NRXN3: variants seen among roughly 807,000 people sequenced by gnomAD.
The protein encoded by NRXN3 is neurexin 3, also known as neurexin III.
A neutral mutation model predicts 137.6 loss-of-function variants in NRXN3; 32 were observed. The observed-to-expected ratio is 0.23, with a 90% CI of 0.18 to 0.31. NRXN3 has a LOEUF of 0.31. Among genes scored for constraint, NRXN3 ranks in the 10% least tolerant of loss-of-function variants. NRXN3 has a pLI of 1.00. For missense variants in NRXN3, 1,574 were observed against 2,062.5 expected (o/e 0.76, Z 4.59); for synonymous variants, 798 against 784.5 (o/e 1.02, Z -0.29).
At chr14:79,369,518 T>C (rs916336197) in intron 15 of NRXN3, among the ~76,000 whole-genome samples, 1 of 152,216 alleles carries the variant, frequency 6.6e-6, no homozygotes, top group Non-Finnish European at 1.5e-5. Flanking sequence ...TTTGATGACC[T>C]GGTGCATGGA....
intron 20 of NRXN3, among the ~76,000 whole-genome samples, chr14:79,807,121 G>A (rs1048692162): frequency 6.6e-6 from 1 of 150,758 alleles, no homozygotes; most frequent in Non-Finnish European, 1.5e-5. Context: ...AGAACTACAT[G>A]CACCACTATG....
intron 10 of NRXN3, among the ~76,000 whole-genome samples, chr14:78,888,570 G>T (rs1273965915): frequency 1.3e-5 from 2 of 151,934 alleles, no homozygotes; most frequent in Non-Finnish European, 2.9e-5. Flanking sequence ...GAGAAGTGCC[G>T]AGCAGTGTGT....
chr14:79,742,480 T>C (rs1447060981), intron 19 of NRXN3, among the ~76,000 whole-genome samples: 1 of 152,198 alleles, frequency 6.6e-6, no homozygotes, highest in East Asian at 1.9e-4. Context: ...TTAACCATTT[T>C]ACACACAATT....
At chr14:78,179,776 C>G (rs1452227254) in intron 1 of NRXN3, among the ~76,000 whole-genome samples, 1 of 147,198 alleles carries the variant, frequency 6.8e-6, no homozygotes, top group Admixed American at 6.8e-5. Context: ...TGTACCCAGT[C>G]TCGTGTTCAG....
At chr14:79,514,868 G>T (rs1005522261) in intron 16 of NRXN3, among the ~76,000 whole-genome samples, 5 of 141,532 alleles carry the variant, frequency 3.5e-5, no homozygotes, top group Non-Finnish European at 7.4e-5. Flanking sequence ...GTGTTGGAAT[G>T]ATGCGTTTTC....
intron 10 of NRXN3, among the ~76,000 whole-genome samples, chr14:78,824,861 A>G (rs1482943687): frequency 3.3e-5 from 5 of 151,982 alleles, no homozygotes; most frequent in Admixed American, 3.3e-4. Context: ...GGTGAAGGAT[A>G]CTCCATTTAC....
chr14:79,382,673 A>G (rs527496108), intron 15 of NRXN3, among the ~76,000 whole-genome samples: 56 of 152,312 alleles, frequency 3.7e-4, no homozygotes, highest in Non-Finnish European at 7.4e-4. Context: ...GCAAAAAGAT[A>G]CAAAGAGACT....
At chr14:79,353,243 T>G (rs2093292541) in intron 15 of NRXN3, among the ~76,000 whole-genome samples, 1 of 152,102 alleles carries the variant, frequency 6.6e-6, no homozygotes, top group African/African-American at 2.4e-5. Context: ...TTTGATCAAC[T>G]CTTGATATAG....
intron 8 of NRXN3, among the ~76,000 whole-genome samples, chr14:78,764,753 A>G (rs2098703336): frequency 6.6e-6 from 1 of 152,148 alleles, no homozygotes; most frequent in African/African-American, 2.4e-5. Flanking sequence ...GGGTTGGGAT[A>G]ATGTGAAAAA....
At chr14:79,852,498 G>A (rs1390005528) in intron 20 of NRXN3, among the ~76,000 whole-genome samples, 1 of 152,016 alleles carries the variant, frequency 6.6e-6, no homozygotes, top group Non-Finnish European at 1.5e-5. Context: ...ACAATTGAAG[G>A]ATAGTATATG....
intron 15 of NRXN3, among the ~76,000 whole-genome samples, chr14:78,998,342 A>C (rs1359883804): frequency 3.3e-5 from 5 of 152,208 alleles, no homozygotes; most frequent in Non-Finnish European, 7.3e-5. Context: ...TTCAAGCCGC[A>C]AATTCTAAGG....
At chr14:78,889,431 T>G (rs1321992259) in intron 10 of NRXN3, among the ~76,000 whole-genome samples, 1 of 152,016 alleles carries the variant, frequency 6.6e-6, no homozygotes, top group Admixed American at 6.6e-5. Context: ...TTGCACTTGA[T>G]TGCTTTACTT....
chr14:79,445,862 C>T (rs2096056037), intron 15 of NRXN3, among the ~76,000 whole-genome samples: 1 of 152,130 alleles, frequency 6.6e-6, no homozygotes, highest in Non-Finnish European at 1.5e-5. Context: ...TCATTTCATT[C>T]TAAGGCAATT....
chr14:78,718,239 G>A (rs1266490508), intron 8 of NRXN3, among the ~76,000 whole-genome samples: 3 of 152,192 alleles, frequency 2.0e-5, no homozygotes, highest in Non-Finnish European at 4.4e-5. Context: ...TCTTAAGGCT[G>A]TGTGTCCCAG....
chr14:79,460,851 G>C (rs560773690), intron 15 of NRXN3, among the ~76,000 whole-genome samples: 2 of 152,178 alleles, frequency 1.3e-5, no homozygotes, highest in Non-Finnish European at 2.9e-5. Flanking sequence ...TCATTTCTTT[G>C]CCAAGGAAAA....
intron 15 of NRXN3, among the ~76,000 whole-genome samples, chr14:79,373,014 GTCT>G (rs1280104993): frequency 3.9e-5 from 6 of 152,016 alleles, no homozygotes; most frequent in Non-Finnish European, 7.4e-5. Flanking sequence ...TAAATAGACT[GTCT>G]TCATTTCCTA....
At chr14:79,481,851 A>G (rs774273913) in intron 16 of NRXN3, among the ~76,000 whole-genome samples, 4 of 151,904 alleles carry the variant, frequency 2.6e-5, no homozygotes, top group African/African-American at 4.8e-5. Flanking sequence ...GGATGCAATT[A>G]TGGGATCTGG....
intron 15 of NRXN3, among the ~76,000 whole-genome samples, chr14:79,274,575 A>C (rs2079966088): frequency 6.6e-6 from 1 of 152,054 alleles, no homozygotes; most frequent in South Asian, 2.1e-4. Context: ...TAAATGCCCA[A>C]ATCTCTCTAT....
chr14:79,864,372 G>T lies in NRXN3; in HGVS notation c.*2408G>T, dbSNP rs1041758355. The T allele has an allele frequency of 1.3e-5, 2 of 152,308 alleles. No individual in the cohort carries two copies. The highest frequency in any genetic ancestry group is 4.8e-5 in the African/African-American group (2 of 41,344). The allele number at this position is 152,308 out of a possible 1,614,324, so 9.4% of individuals were successfully genotyped here. On this transcript the variant is annotated 3_prime_UTR_variant, in exon 21 of 21. Transcript: ENST00000335750. ...TTTTTTCTTTTCTTAGTTCATATTT[G>T]CATTTTCGTTCAAGGATATGCTTAG...
Sources: gnomAD v4.1 joint callset for allele counts (sites outside exome capture counted in the v4.1 genomes callset) on GRCh38, gnomAD v4.1.1 for gene constraint, MANE v1.5 for transcripts, NCBI Gene and HGNC (gene_info 2026-07-23, HGNC 2026-07-21) for gene names.